The following RPS6KA6 variants were observed in gnomAD, a reference collection of about 807,000 sequenced individuals.
RPS6KA6 encodes ribosomal protein S6 kinase A6.
In RPS6KA6, 27 loss-of-function variants were observed where a neutral mutation model predicts 65.4. The ratio of observed to expected loss-of-function variants is 0.41; its 90% CI spans 0.30 to 0.57. RPS6KA6 has a LOEUF of 0.57. Ranked by LOEUF, RPS6KA6 falls within the 20% of genes least tolerant of loss-of-function variation. The pLI is 0.24. For missense variants in RPS6KA6, 486 were observed against 555.6 expected (o/e 0.87, Z 1.26); for synonymous variants, 190 against 184.2 (o/e 1.03, Z -0.26).
intron 20 of RPS6KA6, among the ~76,000 whole-genome samples, chrX:84,079,183 G>C (rs189064010): frequency 9.0e-6 from 1 of 110,658 alleles, no homozygotes; most frequent in Non-Finnish European, 1.9e-5. Context: ...AGGAGGGTGG[G>C]GCATCGCCTC....
At chrX:84,173,145 T>C (rs759169546) in intron 1 of RPS6KA6, among the ~76,000 whole-genome samples, 6 of 110,997 alleles carry the variant, frequency 5.4e-5, no homozygotes, top group Non-Finnish European at 9.4e-5. Context: ...ATAAGACAAT[T>C]TAAAATTTTA....
chrX:84,115,177 G>T (rs2034540070), intron 12 of RPS6KA6, among the ~76,000 whole-genome samples: 1 of 111,365 alleles, frequency 9.0e-6, no homozygotes, highest in Non-Finnish European at 1.9e-5. Context: ...CTACAGAATG[G>T]GATAAAATAT....
At chrX:84,179,938 A>G (rs1415546145) in intron 1 of RPS6KA6, among the ~76,000 whole-genome samples, 2 of 111,953 alleles carry the variant, frequency 1.8e-5, no homozygotes, top group Non-Finnish European at 3.8e-5. Context: ...ATTTTTATCA[A>G]ATCAGACCTA....
At position 84,059,539 on chromosome X, in the gene RPS6KA6, G is replaced by C. The variant is rs2033267267; in HGVS notation, c.*4738C>G. 8.9e-6 allele frequency: 1 copy of C among 112,013 alleles called. No homozygotes were observed. The highest frequency in any genetic ancestry group is 1.9e-5 in the Non-Finnish European group (1 of 53,220). The allele number at this position is 112,013 out of a possible 1,213,427, so 9.2% of individuals were successfully genotyped here. On this transcript the variant is annotated 3_prime_UTR_variant, in exon 22 of 22. Coordinates refer to ENST00000262752, the MANE Select transcript of RPS6KA6 (RefSeq NM_014496.5). ...AGCAATTTCAGAGAGAATGAATTTG[G>C]AAAGAGAAAGAAAATGTGACCTGAG...
chrX:84,089,935 A>G (rs764616260), intron 20 of RPS6KA6, among the ~76,000 whole-genome samples: 5 of 112,233 alleles, frequency 4.5e-5, no homozygotes, highest in Non-Finnish European at 9.4e-5. Flanking sequence ...TCTTATTTTT[A>G]ATGTCCATTT....
chrX:84,126,007 T>G (rs758445414), intron 8 of RPS6KA6, among the ~76,000 whole-genome samples: 24 of 111,409 alleles, frequency 2.2e-4, no homozygotes, highest in African/African-American at 7.5e-4. Flanking sequence ...CCCGATTTAT[T>G]AATAATAACA....
intron 20 of RPS6KA6, among the ~76,000 whole-genome samples, chrX:84,078,450 C>CA (rs747074645): frequency 9.4e-4 from 96 of 102,261 alleles, no homozygotes; most frequent in South Asian, 1.7e-3. Context: ...GGTATTTATA[C>CA]AAAAAAAAAA....
chrX:84,185,497 G>C (rs2035916682), intron 1 of RPS6KA6, among the ~76,000 whole-genome samples: 1 of 111,729 alleles, frequency 9.0e-6, no homozygotes, highest in Non-Finnish European at 1.9e-5. Flanking sequence ...AACATGTTAA[G>C]AGTCTCAAAC....
At chrX:84,133,633 C>T (rs2034942568) in intron 8 of RPS6KA6, among the ~76,000 whole-genome samples, 1 of 111,029 alleles carries the variant, frequency 9.0e-6, no homozygotes, top group Admixed American at 9.6e-5. Context: ...CTTTTTCCCA[C>T]CTCTCTTTCT....
At position 84,104,623 on chromosome X, in the gene RPS6KA6, G is replaced by A. The variant is rs756502034; in HGVS notation, c.1490C>T (p.Thr497Met). ...TAACTCTCCTCCTTTCATTAAATCC[G>A]TAACAAGGTAAACATATCTACCATC... ...FDDGRYVYLVTDLMKGGELLD... is the reference protein window; with the variant it reads ...FDDGRYVYLVMDLMKGGELLD... The change falls in exon 17 of 22, where the codon ACG (threonine) becomes ATG (methionine). Residue 497 changes from threonine to methionine, a missense_variant. Transcript: ENST00000262752. 12 of 1,165,327 alleles carry A rather than the reference G, an allele frequency of 1.0e-5. No individual in the cohort carries two copies. The Admixed American group carries it at 1.4e-4, about 14-fold the overall frequency.
At position 84,149,460 on chromosome X, in the gene RPS6KA6, T is replaced by C. The variant is rs375298447; in HGVS notation, c.259-1337A>G. On this transcript the variant is annotated intron_variant, in intron 3 of 21. Transcript: ENST00000262752. Reference sequence around the variant, plus strand: ...AGCAACTATAGCCTTACAAAATGTATTTCTTAAATAATAGGGCTTGAAAGT... The same window carrying C: ...AGCAACTATAGCCTTACAAAATGTACTTCTTAAATAATAGGGCTTGAAAGT... Among the ~76,000 whole-genome samples the C allele has an allele frequency of 4.4e-4, 49 of 112,244 alleles. No individual in the cohort carries two copies. In the South Asian group the frequency reaches 5.1e-3, roughly 12 times the overall value.
Position 84,164,378 on chromosome X carries a change from G to GACCTGAAAA in RPS6KA6, c.90_91insTTTTCAGGT (p.Gly30_Leu31insPheSerGly). 2 of 1,189,042 alleles carry GACCTGAAAA rather than the reference G, an allele frequency of 1.7e-6. No individual in the cohort carries two copies. Among genetic ancestry groups the GACCTGAAAA allele is most frequent in the Non-Finnish European group, 2.3e-6 (2 of 877,745 alleles). ...TCCATTGGCTCATCAACCATTTTAAGACCATTTACCTGAAAAACATTGTTC... is the reference window on the plus strand; with the variant it reads ...TCCATTGGCTCATCAACCATTTTAAGACCTGAAAAACCATTTACCTGAAAAACATTGTTC... On this transcript the variant is annotated inframe_insertion, in exon 2 of 22. Coordinates refer to ENST00000262752, the MANE Select transcript of RPS6KA6 (RefSeq NM_014496.5).
At chrX:84,113,640 A>G (rs943892867) in intron 12 of RPS6KA6, among the ~76,000 whole-genome samples, 1 of 111,732 alleles carries the variant, frequency 8.9e-6, no homozygotes, top group African/African-American at 3.3e-5. Context: ...CCCTCCATAT[A>G]ATAGGCATAG....
intron 20 of RPS6KA6, among the ~76,000 whole-genome samples, chrX:84,090,945 T>A (rs1411541349): frequency 8.9e-6 from 1 of 112,272 alleles, no homozygotes; most frequent in African/African-American, 3.2e-5. Context: ...TTAATCTACA[T>A]GAAACAAGGT....
In RPS6KA6 at chrX:84,064,353, G is replaced by A; in HGVS notation, c.2162C>T (p.Pro721Leu). 5.0e-6 allele frequency: 6 copies of A among 1,207,333 alleles called. No individual in the cohort carries two copies. Among genetic ancestry groups the A allele is most frequent in the Non-Finnish European group, 6.7e-6 (6 of 893,265 alleles). Residue 721 changes from proline (P) to leucine (L), a missense_variant, in exon 22 of 22, where the codon CCA becomes CTA. By Grantham distance (98) the Pro-to-Leu change is moderately conservative. Coordinates refer to ENST00000262752, the MANE Select transcript of RPS6KA6 (RefSeq NM_014496.5). ...TGAAGCAGCTACAGGCTCTAGGACTGGTTGAAAGGTCTTGTGAGTCAGGGC... is the reference window on the plus strand; with the variant it reads ...TGAAGCAGCTACAGGCTCTAGGACTAGTTGAAAGGTCTTGTGAGTCAGGGC... ...YSALTHKTFQ[P>L]VLEPVAASSL...
chrX:84,087,566 T>C (rs2033951702), intron 20 of RPS6KA6, among the ~76,000 whole-genome samples: 1 of 111,428 alleles, frequency 9.0e-6, no homozygotes, highest in African/African-American at 3.3e-5. Flanking sequence ...GACCTGGCCT[T>C]TTCTCTCTGG....
intron 20 of RPS6KA6, among the ~76,000 whole-genome samples, chrX:84,078,088 A>G (rs904123303): frequency 5.3e-5 from 6 of 112,348 alleles, no homozygotes; most frequent in Non-Finnish European, 1.1e-4. Flanking sequence ...AATCCATAAA[A>G]AGAAAATAAT....
At chrX:84,074,417 AGAT>A (rs2033614602) in intron 20 of RPS6KA6, among the ~76,000 whole-genome samples, 1 of 111,506 alleles carries the variant, frequency 9.0e-6, no homozygotes, top group South Asian at 3.8e-4. Flanking sequence ...AATTATAGAC[AGAT>A]AGGAGAAGTA....
At chrX:84,115,897 T>C (rs1427240382) in intron 12 of RPS6KA6, among the ~76,000 whole-genome samples, 1 of 110,945 alleles carries the variant, frequency 9.0e-6, no homozygotes, top group African/African-American at 3.3e-5. Context: ...AGCTACACAA[T>C]GGATACACAT....
Sources: allele counts gnomAD v4.1 joint callset (sites outside exome capture counted in the v4.1 genomes callset), GRCh38; gene constraint gnomAD v4.1.1; transcripts MANE v1.5; gene names NCBI Gene and HGNC (gene_info 2026-07-23, HGNC 2026-07-21).